Variants in OTUB2 observed in about 807,000 individuals in gnomAD.
The protein encoded by OTUB2 is ubiquitin thioesterase OTUB2.
A neutral mutation model predicts 25.1 loss-of-function variants in OTUB2; 21 were observed. The ratio of observed to expected loss-of-function variants is 0.84; its 90% CI spans 0.59 to 1.21. The LOEUF (loss-of-function observed/expected upper bound fraction) is 1.21, where lower values mean the gene tolerates loss of function less well. OTUB2 is among the 50% of genes most tolerant of loss of function. The probability of loss-of-function intolerance (pLI) is 0.00; values close to 1 mark genes in which losing one functional copy is unlikely to be tolerated. For missense variants in OTUB2, 283 were observed against 298.0 expected (o/e 0.95, Z 0.37); for synonymous variants, 122 against 122.8 (o/e 0.99, Z 0.04).
In OTUB2 at chr14:94,026,536, C is replaced by T; in HGVS notation, c.-2C>T. The T allele has an allele frequency of 4.0e-6, 5 of 1,258,450 alleles. No individual in the cohort carries two copies. Among genetic ancestry groups the T allele is most frequent in the Non-Finnish European group, 4.0e-6 (4 of 996,484 alleles). 78.0% of individuals were successfully genotyped at this position (1,258,450 alleles called of 1,614,324 possible). A position where few individuals can be genotyped will look rare whatever the true frequency, so the allele number is the denominator to read the frequency against. ...GGACCTGGCCTGGCGGCTCTGGTCACTATGGTCAGTGATCGTGGGGGATCG... is the reference window on the plus strand; with the variant it reads ...GGACCTGGCCTGGCGGCTCTGGTCATTATGGTCAGTGATCGTGGGGGATCG... On this transcript the variant is annotated 5_prime_UTR_variant, in exon 1 of 6. Coordinates refer to ENST00000203664, the MANE Select transcript of OTUB2 (RefSeq NM_023112.4).
At position 94,046,220 on chromosome 14, in the gene OTUB2, T is replaced by G; in HGVS notation, c.*298T>G. On this transcript the variant is annotated 3_prime_UTR_variant, in exon 6 of 6. Coordinates refer to ENST00000203664, the MANE Select transcript of OTUB2 (RefSeq NM_023112.4). ...CCCTCTCTGGACTTGTTTCTTCAACTGGAGGAGGTCCCTGCCTATGCTGAC... is the reference window on the plus strand; with the variant it reads ...CCCTCTCTGGACTTGTTTCTTCAACGGGAGGAGGTCCCTGCCTATGCTGAC... 1 of 500,338 alleles carries G rather than the reference T, an allele frequency of 2.0e-6. No homozygotes were observed. The highest frequency in any genetic ancestry group is 3.6e-6 in the Non-Finnish European group (1 of 276,956). The allele number at this position is 500,338 out of a possible 1,614,324, so 31.0% of individuals were successfully genotyped here.
chr14:94,033,565 T>C (rs754432072), intron 1 of OTUB2, among the ~76,000 whole-genome samples: 1 of 152,258 alleles, frequency 6.6e-6, no homozygotes, highest in Non-Finnish European at 1.5e-5. Context: ...TTAACTATAG[T>C]TGTTCTACTT....
At chr14:94,044,227 C>T (rs535711828) in intron 4 of OTUB2, among the ~76,000 whole-genome samples, 172 bp downstream of exon 4, 142 of 152,224 alleles carry the variant, frequency 9.3e-4, no homozygotes, top group Non-Finnish European at 1.6e-3. Flanking sequence ...ATTCCCTCAC[C>T]CTATTCCATC....
rs549624835 is a variant in OTUB2 at position 94,046,184 on chromosome 14, TG to T, written c.*265del. ...CCCCAGTTCGCAGTGAGGCCCTGGGTGGGTCACCTGCCCTCTCTGGACTTGT... is the reference window on the plus strand; with the variant it reads ...CCCCAGTTCGCAGTGAGGCCCTGGGTGGTCACCTGCCCTCTCTGGACTTGT... On this transcript the variant is annotated 3_prime_UTR_variant, in exon 6 of 6. Coordinates refer to ENST00000203664, the MANE Select transcript of OTUB2 (RefSeq NM_023112.4). The T allele has an allele frequency of 3.5e-6, 2 of 563,490 alleles. No homozygotes were observed. The highest frequency in any genetic ancestry group is 6.3e-6 in the Non-Finnish European group (2 of 315,276). The allele number at this position is 563,490 out of a possible 1,614,324, so 34.9% of individuals were successfully genotyped here.
intron 3 of OTUB2, among the ~76,000 whole-genome samples, chr14:94,041,069 C>T (rs1433383150): frequency 6.6e-6 from 1 of 152,078 alleles, no homozygotes; most frequent in Admixed American, 6.6e-5. Flanking sequence ...GGGGAGAGAT[C>T]CAGAGGGGAG....
intron 1 of OTUB2, among the ~76,000 whole-genome samples, chr14:94,031,448 C>T (rs113453209): frequency 3.6e-4 from 55 of 152,100 alleles, no homozygotes; most frequent in African/African-American, 1.3e-3. Flanking sequence ...GGAGGGAAAA[C>T]CAGAAGACAG....
intron 1 of OTUB2, among the ~76,000 whole-genome samples, chr14:94,036,893 T>C (rs1458292068): frequency 6.6e-6 from 1 of 152,190 alleles, no homozygotes; most frequent in Non-Finnish European, 1.5e-5. Flanking sequence ...CCCTGTAGAC[T>C]GTGAGCCTTG....
At chr14:94,026,613 GT>G in intron 1 of OTUB2, 73 bp downstream of exon 1, 1 of 1,181,214 alleles carries the variant, frequency 8.5e-7, no homozygotes, top group Non-Finnish European at 1.1e-6. Flanking sequence ...GCCGGAGCGG[GT>G]GCACCCGCGG....
At chr14:94,030,098 C>T (rs12323428) in intron 1 of OTUB2, among the ~76,000 whole-genome samples, 18,524 of 152,116 alleles carry the variant, frequency 0.12, 3,581 homozygotes, top group African/African-American at 0.41. Context: ...AGGGAGTCCA[C>T]TGGAGGGCAT....
chr14:94,028,533 C>T (rs1467106724), intron 1 of OTUB2, among the ~76,000 whole-genome samples: 1 of 152,256 alleles, frequency 6.6e-6, no homozygotes, highest in East Asian at 1.9e-4. Flanking sequence ...TTCTCGTGCA[C>T]TCAAGGTGCA....
intron 1 of OTUB2, among the ~76,000 whole-genome samples, chr14:94,029,848 G>A (rs1221563915): frequency 6.6e-6 from 1 of 152,220 alleles, no homozygotes; most frequent in East Asian, 1.9e-4. Flanking sequence ...AAACAGGCGA[G>A]CCTATGAGAT....
chr14:94,037,274 T>C, intron 1 of OTUB2, 106 bp from the exon 2 acceptor site: 1 of 678,212 alleles, frequency 1.5e-6, no homozygotes, highest in Non-Finnish European at 2.6e-6. Context: ...TGGGAAGGTC[T>C]CATTCATTGT....
rs146016263 is a variant in OTUB2 at position 94,045,863 on chromosome 14, G to A, written c.646G>A (p.Val216Ile). The A allele has an allele frequency of 1.3e-5, 21 of 1,614,170 alleles. No individual in the cohort carries two copies. Among genetic ancestry groups the A allele is most frequent in the Middle Eastern group, 1.6e-4 (1 of 6,062 alleles). Residue 216 changes from valine to isoleucine, a missense_variant, in exon 6 of 6, where the codon GTT becomes ATT. Transcript: ENST00000203664. ...GTTCCCTGAGGCCGCCACCCCTTCCGTTTACCTGCTCTATAAAACATCCCA... is the reference window on the plus strand; with the variant it reads ...GTTCCCTGAGGCCGCCACCCCTTCCATTTACCTGCTCTATAAAACATCCCA... The part of the protein sequence containing the change: ...HVFPEAATPS[V>I]YLLYKTSHYN...
At chr14:94,040,816 T>C (rs957279302) in intron 3 of OTUB2, among the ~76,000 whole-genome samples, 2 of 151,982 alleles carry the variant, frequency 1.3e-5, no homozygotes, top group East Asian at 3.9e-4. Flanking sequence ...GTGATAAGTA[T>C]TGTGGGAAAA....
chr14:94,035,743 T>A (rs1885044313), intron 1 of OTUB2, among the ~76,000 whole-genome samples: 1 of 152,220 alleles, frequency 6.6e-6, no homozygotes, highest in Non-Finnish European at 1.5e-5. Flanking sequence ...AGCACAAGCC[T>A]GACTCAGATG....
chr14:94,036,033 A>G (rs547954449), intron 1 of OTUB2, among the ~76,000 whole-genome samples: 2 of 151,748 alleles, frequency 1.3e-5, no homozygotes, highest in Admixed American at 6.6e-5. Flanking sequence ...ATCTAATCTC[A>G]TGGCCCAGCT....
At position 94,039,021 on chromosome 14, in the gene OTUB2, AC is replaced by A. The variant is rs1567052924; in HGVS notation, c.159del (p.Tyr53Ter). On this transcript the variant is annotated frameshift_variant, in exon 3 of 6. Transcript: ENST00000203664. LOFTEE classifies it high-confidence loss of function. Reference sequence around the variant, plus strand: ...ACCAAAGGGGATGGGAACTGCTTCTACAGGGCCTTGGGCTATTCCTACCTGG... The same window carrying A: ...ACCAAAGGGGATGGGAACTGCTTCTAAGGGCCTTGGGCTATTCCTACCTGG... ...RKTKGDGNCF[Y>X]RALGYSYLES... is the part of the protein sequence containing the mutation. 1 of 1,614,112 alleles carries A rather than the reference AC, an allele frequency of 6.2e-7. No individual in the cohort carries two copies. Among genetic ancestry groups the A allele is most frequent in the African/African-American group, 1.3e-5 (1 of 74,930 alleles).
At chr14:94,028,500 G>T (rs1267276677) in intron 1 of OTUB2, among the ~76,000 whole-genome samples, 1 of 152,248 alleles carries the variant, frequency 6.6e-6, no homozygotes, top group Non-Finnish European at 1.5e-5. Flanking sequence ...CAGACCTCTG[G>T]CAGGGACTGC....
At chr14:94,026,610 C>T in intron 1 of OTUB2, 70 bp downstream of exon 1, 2 of 840,538 alleles carry the variant, frequency 2.4e-6, no homozygotes, top group Non-Finnish European at 3.1e-6. Context: ...GCTGCCGGAG[C>T]GGGTGCACCC....
Sources: allele counts gnomAD v4.1 joint callset (sites outside exome capture counted in the v4.1 genomes callset), GRCh38; gene constraint gnomAD v4.1.1; transcripts MANE v1.5; gene names NCBI Gene and HGNC (gene_info 2026-07-23, HGNC 2026-07-21).